The following EBF1 variants were observed in gnomAD, a reference collection of about 807,000 sequenced individuals.
The protein encoded by EBF1 is EBF transcription factor 1, also known as transcription factor COE1.
A neutral mutation model predicts 68.4 loss-of-function variants in EBF1; 10 were observed. That is an observed-to-expected ratio of 0.15 (90% CI 0.09 to 0.25). EBF1 has a LOEUF of 0.25. EBF1 is among the 10% of genes least tolerant of loss of function. EBF1 has a pLI of 1.00. For missense variants in EBF1, 509 were observed against 794.4 expected (o/e 0.64, Z 4.32); for synonymous variants, 298 against 299.8 (o/e 0.99, Z 0.06).
intron 6 of EBF1, among the ~76,000 whole-genome samples, chr5:158,841,329 C>A (rs10071509): frequency 0.016 from 2,401 of 152,298 alleles, 68 homozygotes; most frequent in African/African-American, 0.055. Flanking sequence ...GCATTCATGT[C>A]TACCACCTGT....
intron 6 of EBF1, among the ~76,000 whole-genome samples, chr5:158,854,516 T>C (rs1793589037): frequency 6.6e-6 from 1 of 152,188 alleles, no homozygotes; most frequent in Non-Finnish European, 1.5e-5. Context: ...CATGAGGCTG[T>C]CCACAGACAG....
intron 6 of EBF1, among the ~76,000 whole-genome samples, chr5:158,941,518 A>AT (rs1813389802): frequency 6.6e-6 from 1 of 152,180 alleles, no homozygotes; most frequent in Non-Finnish European, 1.5e-5. Context: ...TTTCCACTGA[A>AT]TTATCCAAAC....
At chr5:158,711,662 T>G (rs941547995) in intron 14 of EBF1, among the ~76,000 whole-genome samples, 2 of 150,706 alleles carry the variant, frequency 1.3e-5, no homozygotes, top group South Asian at 2.1e-4. Context: ...TTTATGGGGG[T>G]TTTTTTGTTT....
intron 6 of EBF1, among the ~76,000 whole-genome samples, chr5:158,958,944 AC>A (rs1209248617): frequency 1.3e-5 from 2 of 152,182 alleles, no homozygotes; most frequent in African/African-American, 4.8e-5. Flanking sequence ...GATTGCCCAC[AC>A]GATTCGCACA....
At chr5:158,699,280 T>C in intron 15 of EBF1, 138 bp from the exon 16 acceptor site, 1 of 749,690 alleles carries the variant, frequency 1.3e-6, no homozygotes. Context: ...TGCTCTCATC[T>C]TCTCTGGAAT....
At chr5:159,070,105 G>T (rs188239267) in intron 6 of EBF1, among the ~76,000 whole-genome samples, 1 of 152,020 alleles carries the variant, frequency 6.6e-6, no homozygotes, top group South Asian at 2.1e-4. Context: ...GCTGTTATCA[G>T]TTCCTGGTTA....
At chr5:158,710,019 G>A (rs2127480894) in intron 14 of EBF1, among the ~76,000 whole-genome samples, 1 of 152,238 alleles carries the variant, frequency 6.6e-6, no homozygotes, top group Admixed American at 6.5e-5. Flanking sequence ...TTAGTTATCA[G>A]CCACCACACC....
intron 6 of EBF1, among the ~76,000 whole-genome samples, chr5:158,967,583 A>T (rs1379163283): frequency 6.6e-6 from 1 of 152,204 alleles, no homozygotes; most frequent in African/African-American, 2.4e-5. Flanking sequence ...GTAGTTGCTC[A>T]GAAGCCAAAG....
chr5:158,938,607 T>A (rs1812582008), intron 6 of EBF1, among the ~76,000 whole-genome samples: 1 of 152,240 alleles, frequency 6.6e-6, no homozygotes, highest in African/African-American at 2.4e-5. Context: ...CAATATCTGC[T>A]GAGGGCTCTC....
chr5:158,775,782 A>AT (rs1491128767), intron 10 of EBF1, among the ~76,000 whole-genome samples: 1,998 of 104,166 alleles, frequency 0.019, 48 homozygotes, highest in African/African-American at 0.071. Flanking sequence ...ACATGCACAC[A>AT]GACACACACA....
intron 6 of EBF1, among the ~76,000 whole-genome samples, chr5:158,954,491 AT>A (rs1229231050): frequency 1.3e-5 from 2 of 152,356 alleles, no homozygotes; most frequent in East Asian, 3.9e-4. Flanking sequence ...TTTGCAATGA[AT>A]TGTTCTTAGG....
chr5:159,023,439 T>G (rs1450530621), intron 6 of EBF1, among the ~76,000 whole-genome samples: 1 of 152,192 alleles, frequency 6.6e-6, no homozygotes, highest in African/African-American at 2.4e-5. Flanking sequence ...GCCCACATTA[T>G]GCTTTTTAAA....
chr5:158,886,449 T>G (rs1214822834), intron 6 of EBF1, among the ~76,000 whole-genome samples: 1 of 152,242 alleles, frequency 6.6e-6, no homozygotes, highest in Non-Finnish European at 1.5e-5. Flanking sequence ...ACAAATACAT[T>G]CTTTAGATTA....
At chr5:159,096,649 T>G (rs1782662277) in intron 2 of EBF1, 4 of 609,918 alleles carry the variant, frequency 6.6e-6, no homozygotes, top group Non-Finnish European at 1.2e-5. Context: ...TTCCAGGGCC[T>G]AGGGGCTCGT....
At chr5:158,852,110 G>T in intron 6 of EBF1, among the ~76,000 whole-genome samples, 1 of 146,562 alleles carries the variant, frequency 6.8e-6, no homozygotes, top group South Asian at 2.3e-4. Context: ...GTTTGCGTTA[G>T]AAAGCTGATA....
chr5:158,938,209 T>A (rs1211745035), intron 6 of EBF1, among the ~76,000 whole-genome samples: 1 of 152,178 alleles, frequency 6.6e-6, no homozygotes, highest in Non-Finnish European at 1.5e-5. Flanking sequence ...TTGCGATACT[T>A]TAACATAGCC....
chr5:159,061,455 G>A (rs1584347199), intron 6 of EBF1, among the ~76,000 whole-genome samples: 1 of 151,964 alleles, frequency 6.6e-6, no homozygotes, highest in East Asian at 1.9e-4. Context: ...GGTGGAAAGA[G>A]GTGGGGTAGA....
In EBF1 at chr5:158,877,170, T is replaced by C. The variant is rs143046651; in HGVS notation, c.555-37060A>G. ...AAGCCCACAGTTCCAAGCCCAACTC[T>C]GAGAAGGTGCTGAGAAGAGGAAATC... is the stretch of plus-strand genomic sequence containing the variant. On this transcript the variant is annotated intron_variant, in intron 6 of 15. Coordinates refer to ENST00000313708, the MANE Select transcript of EBF1 (RefSeq NM_024007.5). Among the ~76,000 whole-genome samples the C allele has an allele frequency of 1.1e-3, 167 of 152,286 alleles. 2 individuals are homozygous for C. Among genetic ancestry groups the C allele is most frequent in the Non-Finnish European group, 3.1e-4 (21 of 68,024 alleles).
intron 7 of EBF1, among the ~76,000 whole-genome samples, chr5:158,827,249 A>G (rs1263569817): frequency 6.6e-6 from 1 of 152,210 alleles, no homozygotes; most frequent in East Asian, 1.9e-4. Context: ...CCCAGCATAC[A>G]CTGTAATTTT....
Sources: allele counts gnomAD v4.1 joint callset (sites outside exome capture counted in the v4.1 genomes callset), GRCh38; gene constraint gnomAD v4.1.1; transcripts MANE v1.5; gene names NCBI Gene and HGNC (gene_info 2026-07-23, HGNC 2026-07-21).